The following COBLL1 variants were observed in gnomAD, a reference collection of about 807,000 sequenced individuals.
COBLL1 encodes the protein cordon-bleu protein-like 1.
Under a neutral mutation model 94.8 loss-of-function variants are expected in COBLL1, and 50 were observed. The ratio of observed to expected loss-of-function variants is 0.53; its 90% CI spans 0.42 to 0.67. The LOEUF is 0.67. COBLL1 is among the 30% of genes least tolerant of loss of function. The pLI, the probability that COBLL1 is intolerant of heterozygous loss-of-function variation, is 0.00. For missense variants in COBLL1, 1,362 were observed against 1,348.7 expected, an observed-to-expected ratio of 1.01 and a Z score of -0.15; for synonymous variants, 448 against 473.8, an observed-to-expected ratio of 0.95 and a Z score of 0.71.
intron 2 of COBLL1, among the ~76,000 whole-genome samples, chr2:164,830,048 A>G (rs992578243): frequency 1.3e-5 from 2 of 152,256 alleles, no homozygotes; most frequent in African/African-American, 2.4e-5. Flanking sequence ...TGGTTCAGCC[A>G]CTGAGTGGCA....
At chr2:164,784,552 C>T (rs1405354574) in intron 2 of COBLL1, among the ~76,000 whole-genome samples, 1 of 152,080 alleles carries the variant, frequency 6.6e-6, no homozygotes, top group Non-Finnish European at 1.5e-5. Context: ...GTCCACAGCA[C>T]TGTGTTCTCT....
intron 2 of COBLL1, among the ~76,000 whole-genome samples, chr2:164,814,189 C>T (rs1684596837): frequency 6.6e-6 from 1 of 152,138 alleles, no homozygotes; most frequent in Admixed American, 6.6e-5. Context: ...TTCTCATTGT[C>T]TCTTTGGTTC....
rs942826482 is a variant in COBLL1, at chr2:164,682,553, C to G, written c.*3393G>C. 7.9e-5 allele frequency: 12 copies of G among 152,138 alleles called. No individual in the cohort carries two copies. The highest frequency in any genetic ancestry group is 1.8e-4 in the Non-Finnish European group (12 of 68,012). 9.4% of individuals were successfully genotyped at this position (152,138 alleles called of 1,614,324 possible). A position where few individuals can be genotyped will look rare whatever the true frequency, so the allele number is the denominator to read the frequency against. On this transcript the variant is annotated 3_prime_UTR_variant, in exon 14 of 14. Coordinates refer to ENST00000652658, the MANE Select transcript of COBLL1 (RefSeq NM_001365672.2). ...AGAGTGTGTATGCTGTTGCCAGTGC[C>G]TAGTGGCCAAGGCCAGATCTGGCAG...
intron 2 of COBLL1, among the ~76,000 whole-genome samples, chr2:164,664,134 T>C (rs1407037147): frequency 1.3e-5 from 2 of 152,228 alleles, no homozygotes; most frequent in Non-Finnish European, 1.5e-5. Context: ...AAGGTTTTGC[T>C]TCCTGTTCTA....
chr2:164,841,928 G>A (rs1263246211), upstream of COBLL1: 25 of 1,504,200 alleles, frequency 1.7e-5, no homozygotes, highest in East Asian at 4.5e-4. This position sits in a 1 kb window ranked among gnomAD's most constrained non-coding sequence, Gnocchi z 5.5. Context: ...GGCGCTGGGG[G>A]CCTCGCTGGA....
chr2:164,678,795 C>T (rs148845119), downstream of COBLL1, among the ~76,000 whole-genome samples: 7 of 152,184 alleles, frequency 4.6e-5, no homozygotes, highest in African/African-American at 1.4e-4. Context: ...CTTTTATGAC[C>T]GTGTTTTATG....
intron 2 of COBLL1, among the ~76,000 whole-genome samples, chr2:164,826,019 C>A (rs1574659515): frequency 6.6e-6 from 1 of 152,126 alleles, no homozygotes; most frequent in African/African-American, 2.4e-5. Context: ...CAAGTTCCTA[C>A]CTCCTCTTTG....
chr2:164,752,143 C>A (rs50916), intron 2 of COBLL1, among the ~76,000 whole-genome samples: 3 of 152,082 alleles, frequency 2.0e-5, no homozygotes, highest in Non-Finnish European at 4.4e-5. Flanking sequence ...TAGTTTCTAT[C>A]CAGTATCAAC....
chr2:164,700,855 G>T, intron 9 of COBLL1, 99 bp from the exon 10 acceptor site: 10 of 730,142 alleles, frequency 1.4e-5, no homozygotes, highest in Non-Finnish European at 2.3e-5. Context: ...TAATTAGCTG[G>T]ACTCTTTTAA....
chr2:164,755,328 C>T lies in COBLL1; in HGVS notation c.42-11453G>A, dbSNP rs114361167. Among the ~76,000 whole-genome samples the T allele has an allele frequency of 5.5e-3, 837 of 152,274 alleles. 9 individuals are homozygous for T. Among genetic ancestry groups the T allele is most frequent in the African/African-American group, 0.019 (784 of 41,562 alleles). On this transcript the variant is annotated intron_variant, in intron 2 of 13. Transcript: ENST00000652658. ...TGTGCATAGTTTCCAAAGTACATCA[C>T]CTTATCCACCAGAAAAATTTTTTGA...
chr2:164,677,825 T>G (rs1016364502), downstream of COBLL1, among the ~76,000 whole-genome samples: 4 of 152,116 alleles, frequency 2.6e-5, no homozygotes, highest in African/African-American at 9.7e-5. Flanking sequence ...TATATGCAAA[T>G]GTTAGATATT....
chr2:164,773,818 TG>T, intron 2 of COBLL1: 1 of 1,173,448 alleles, frequency 8.5e-7, no homozygotes, highest in Non-Finnish European at 1.1e-6. Context: ...TTATCATGTA[TG>T]TGTAAGCGCC....
At chr2:164,784,701 G>A (rs1343062959) in intron 2 of COBLL1, among the ~76,000 whole-genome samples, 1 of 151,922 alleles carries the variant, frequency 6.6e-6, no homozygotes, top group African/African-American at 2.4e-5. Context: ...TAATCAGGGT[G>A]CAAAAAAGTG....
At chr2:164,768,565 C>A (rs1273980291) in intron 2 of COBLL1, among the ~76,000 whole-genome samples, 3 of 152,150 alleles carry the variant, frequency 2.0e-5, no homozygotes, top group South Asian at 2.1e-4. Context: ...TTCCAGAAAC[C>A]ATTTTTATTC....
intron 2 of COBLL1, among the ~76,000 whole-genome samples, chr2:164,805,340 T>TATATAA (rs1559033667): frequency 3.0e-5 from 2 of 66,822 alleles, no homozygotes; most frequent in African/African-American, 5.0e-5. Context: ...TCTCTCTCTA[T>TATATAA]ATATATATAT....
rs896721025 is a variant in COBLL1 at position 164,762,360 on chromosome 2, A to G, written c.42-18485T>C. 1.4e-4 allele frequency among the ~76,000 whole-genome samples: 21 copies of G among 152,208 alleles called. 1 individual carries two copies. Among genetic ancestry groups the G allele is most frequent in the African/African-American group, 4.8e-4 (20 of 41,452 alleles). On this transcript the variant is annotated intron_variant, in intron 2 of 13. Coordinates refer to ENST00000652658, the MANE Select transcript of COBLL1 (RefSeq NM_001365672.2). The stretch of plus-strand genomic sequence containing the variant: ...GTCTATGACAACTCAAAGTACTTTC[A>G]ATGTAAGTTTGGCCAGTAGTAGCAT...
intron 2 of COBLL1, among the ~76,000 whole-genome samples, chr2:164,749,650 T>C (rs1687030652): frequency 6.6e-6 from 1 of 152,176 alleles, no homozygotes; most frequent in South Asian, 2.1e-4. Flanking sequence ...TATTATGTGC[T>C]CAAGAGAATA....
At chr2:164,756,378 C>T (rs1182411949) in intron 2 of COBLL1, among the ~76,000 whole-genome samples, 1 of 152,158 alleles carries the variant, frequency 6.6e-6, no homozygotes, top group East Asian at 1.9e-4. Context: ...TCATCATCTT[C>T]AGGTAATTTC....
At chr2:164,678,316 A>G (rs1382279358), downstream of COBLL1, among the ~76,000 whole-genome samples, 1 of 152,160 alleles carries the variant, frequency 6.6e-6, no homozygotes, top group Admixed American at 6.6e-5. Flanking sequence ...GGATCATCAA[A>G]AATGATGGAG....
Sources: gnomAD v4.1 joint callset for allele counts (sites outside exome capture counted in the v4.1 genomes callset) on GRCh38, gnomAD v4.1.1 for gene constraint, Gnocchi (gnomAD v3.1) non-coding constraint, MANE v1.5 for transcripts, NCBI Gene and HGNC (gene_info 2026-07-23, HGNC 2026-07-21) for gene names.